Variants in CCAR1 observed in about 807,000 individuals in gnomAD.
CCAR1 encodes the protein cell division cycle and apoptosis regulator 1, also known as cell division cycle and apoptosis regulator protein 1.
Under a neutral mutation model 163.8 loss-of-function variants are expected in CCAR1, and 78 were observed. The ratio of observed to expected loss-of-function variants is 0.48; its 90% CI spans 0.40 to 0.57. CCAR1 has a LOEUF of 0.57. Ranked by LOEUF, CCAR1 falls within the 20% of genes least tolerant of loss-of-function variation. CCAR1 has a pLI of 0.00. For synonymous variants in CCAR1, 443 were observed against 460.7 expected, an observed-to-expected ratio of 0.96 and a Z score of 0.49; for missense variants, 1,019 against 1,365.2, an observed-to-expected ratio of 0.75 and a Z score of 4.00.
At chr10:68,743,107 A>G (rs2056204232) in intron 6 of CCAR1, among the ~76,000 whole-genome samples, 1 of 151,466 alleles carries the variant, frequency 6.6e-6, no homozygotes, top group Non-Finnish European at 1.5e-5. Context: ...TCATTTTTGT[A>G]TTTTTAGTAT....
At chr10:68,732,806 G>A (rs2056059124) in intron 2 of CCAR1, among the ~76,000 whole-genome samples, 1 of 152,094 alleles carries the variant, frequency 6.6e-6, no homozygotes, top group African/African-American at 2.4e-5. Flanking sequence ...TGCGACTGTA[G>A]TCCCAGTTGC....
rs1281664846 is a variant in CCAR1, at chr10:68,792,117, CAGAA to C, written c.*860_*863del. On this transcript the variant is annotated 3_prime_UTR_variant, in exon 25 of 25. Transcript: ENST00000265872. ...TCAGTTTATTTGAAAGACAGTATAT[CAGAA>C]AGAAAGAAGCAATAGAGAACTAGTA... The C allele has an allele frequency of 2.0e-5, 3 of 151,392 alleles. No individual in the cohort carries two copies. The highest frequency in any genetic ancestry group is 6.6e-5 in the Admixed American group (1 of 15,126). 9.4% of individuals were successfully genotyped at this position (151,392 alleles called of 1,614,324 possible). A position where few individuals can be genotyped will look rare whatever the true frequency, so the allele number is the denominator to read the frequency against.
At chr10:68,753,302 A>G (rs1361937358) in intron 10 of CCAR1, among the ~76,000 whole-genome samples, 1 of 152,194 alleles carries the variant, frequency 6.6e-6, no homozygotes, top group African/African-American at 2.4e-5. Context: ...TTCACAGAGA[A>G]AGGGTTGTGG....
Position 68,756,334 on chromosome 10 carries a change from C to T in CCAR1, c.1687C>T (p.Pro563Ser). ...PEETHKGRTV[P>S]AHVETVVLFF... is the part of the protein sequence containing the mutation. ...GGAGACCCACAAGGGGCGTACAGTT[C>T]CAGCTCATGTGGAGACAGTGGTTTT... Residue 563 changes from proline (P) to serine (S), a missense_variant, in exon 14 of 25, where the codon CCA becomes TCA. Pro to Ser is a moderately conservative substitution (Grantham distance 74). Around this residue, in one of 4 missense-constraint regions of CCAR1, gnomAD observed 644 missense variants for 904.4 expected, o/e 0.71. Transcript: ENST00000265872. This position sits in a 1 kb window ranked among gnomAD's most constrained non-coding sequence, Gnocchi z 5.1. 6.2e-7 allele frequency: 1 copy of T among 1,614,068 alleles called. No individual in the cohort carries two copies. Among genetic ancestry groups the T allele is most frequent in the Non-Finnish European group, 8.5e-7 (1 of 1,179,996 alleles).
At chr10:68,742,319 C>A in intron 5 of CCAR1, 57 bp from the exon 6 acceptor site, 1 of 1,384,350 alleles carries the variant, frequency 7.2e-7, no homozygotes, top group Non-Finnish European at 9.9e-7. Context: ...TAGTCATATT[C>A]AGTTTTTAGA....
At chr10:68,790,978 A>C (rs1339749448) in intron 24 of CCAR1, among the ~76,000 whole-genome samples, 1 of 148,900 alleles carries the variant, frequency 6.7e-6, no homozygotes, top group East Asian at 2.2e-4. Flanking sequence ...GATTACAGTC[A>C]TGAGCCACCA....
chr10:68,768,133 A>G lies in CCAR1; in HGVS notation c.2298+2054A>G, dbSNP rs556393763. Among the ~76,000 whole-genome samples, 3 of 152,352 alleles carry G rather than the reference A, an allele frequency of 2.0e-5. No individual in the cohort carries two copies. The South Asian group carries it at 6.2e-4, about 32-fold the overall frequency. On this transcript the variant is annotated intron_variant, in intron 17 of 24. Transcript: ENST00000265872. Reference sequence around the variant, plus strand: ...GGTAAGATGAAAATCAAGGATGACTAGAGACCTTTGAGGATTACTGAGGCA... The same window carrying G: ...GGTAAGATGAAAATCAAGGATGACTGGAGACCTTTGAGGATTACTGAGGCA...
Position 68,742,510 on chromosome 10 carries a change from G to A in CCAR1, c.459G>A (p.Val153=). The change falls in exon 6 of 25, where the codon GTG becomes GTA. Residue 153 remains valine (V), a synonymous_variant. Coordinates refer to ENST00000265872, the MANE Select transcript of CCAR1 (RefSeq NM_018237.4). Reference sequence around the variant, plus strand: ...AGAAGCAGCGTGTTTTCACAGGGGTGGTTACAAAACTACATGATACGTTTG... The same window carrying A: ...AGAAGCAGCGTGTTTTCACAGGGGTAGTTACAAAACTACATGATACGTTTG... The part of the protein sequence containing the change: ...QPQKQRVFTG[V]VTKLHDTFGF... 6.2e-7 allele frequency: 1 copy of A among 1,614,082 alleles called. No individual in the cohort carries two copies.
At chr10:68,734,241 A>G (rs1188735890) in intron 2 of CCAR1, among the ~76,000 whole-genome samples, 2 of 152,288 alleles carry the variant, frequency 1.3e-5, no homozygotes, top group East Asian at 3.9e-4. Flanking sequence ...TAGAGTTAAT[A>G]ACTAATAGTT....
chr10:68,780,158 C>T (rs1420856924), intron 19 of CCAR1, among the ~76,000 whole-genome samples: 1 of 152,168 alleles, frequency 6.6e-6, no homozygotes, highest in Non-Finnish European at 1.5e-5. Context: ...ATTTTTCAAT[C>T]ATCAAAAATA....
chr10:68,728,125 C>CT (rs2055975169), intron 2 of CCAR1, among the ~76,000 whole-genome samples: 1 of 152,206 alleles, frequency 6.6e-6, no homozygotes, highest in Admixed American at 6.5e-5. Context: ...GTGTGAGCCA[C>CT]TGTGCCCGGC....
chr10:68,777,878 G>A (rs1471633691), intron 19 of CCAR1, among the ~76,000 whole-genome samples: 1 of 152,150 alleles, frequency 6.6e-6, no homozygotes, highest in African/African-American at 2.4e-5. Context: ...GTTGCAGTGA[G>A]CGATGATCAC....
chr10:68,774,169 G>A (rs1398368638), intron 19 of CCAR1, among the ~76,000 whole-genome samples: 2 of 151,778 alleles, frequency 1.3e-5, no homozygotes, highest in African/African-American at 4.8e-5. Context: ...TGGGATTACA[G>A]GCCTGAGCCA....
At position 68,773,095 on chromosome 10, in the gene CCAR1, A is replaced by G; in HGVS notation, c.2646A>G (p.Glu882=). The G allele has an allele frequency of 6.8e-7, 1 of 1,469,742 alleles. No homozygotes were observed. Among genetic ancestry groups the G allele is most frequent in the Non-Finnish European group, 9.3e-7 (1 of 1,071,224 alleles). 91.0% of individuals were successfully genotyped at this position (1,469,742 alleles called of 1,614,324 possible). A position where few individuals can be genotyped will look rare whatever the true frequency, so the allele number is the denominator to read the frequency against. Residue 882 remains glutamate, a synonymous_variant, in exon 19 of 25, where the codon GAA becomes GAG. Coordinates refer to ENST00000265872, the MANE Select transcript of CCAR1 (RefSeq NM_018237.4). ...AAGCAGAAGAAGCTGAGGATGAAGA[A>G]GATGGTATGATTGAAATTTATTTAT... ...PMEAEEAEDE[E]DDRDEEEMTK...
At chr10:68,759,705 G>A (rs990699965) in intron 15 of CCAR1, among the ~76,000 whole-genome samples, 2 of 151,858 alleles carry the variant, frequency 1.3e-5, no homozygotes, top group Non-Finnish European at 2.9e-5. Context: ...CCATGGTTGT[G>A]CCACTCCAGC....
At chr10:68,749,064 C>T in intron 8 of CCAR1, 72 bp from the exon 9 acceptor site, 2 of 1,566,744 alleles carry the variant, frequency 1.3e-6, no homozygotes, top group Admixed American at 1.8e-5. Context: ...CTTTGTTCCT[C>T]TAATTTTATC....
In CCAR1 at chr10:68,728,376, TTTTG is replaced by T. The variant is rs767455744; in HGVS notation, c.73+5811_73+5814del. 3.9e-5 allele frequency among the ~76,000 whole-genome samples: 6 copies of T among 152,112 alleles called. No homozygotes were observed. The Middle Eastern group carries it at 0.01, about 260-fold the overall frequency. On this transcript the variant is annotated intron_variant, in intron 2 of 24. Coordinates refer to ENST00000265872, the MANE Select transcript of CCAR1 (RefSeq NM_018237.4). The stretch of plus-strand genomic sequence containing the variant: ...TCCTGGAGGTTTTTTTTTCCGTTGT[TTTTG>T]TTTGTTTGTTTTTTGAGACAGGGTC...
At chr10:68,765,790 T>G in intron 16 of CCAR1, 98 bp from the exon 17 acceptor site, 2 of 820,486 alleles carry the variant, frequency 2.4e-6, no homozygotes, top group African/African-American at 3.5e-5. Context: ...TTTTGTTCCT[T>G]TTATTTATGA....
At chr10:68,740,025 CTG>C (rs2056163055) in intron 4 of CCAR1, among the ~76,000 whole-genome samples, 1 of 152,172 alleles carries the variant, frequency 6.6e-6, no homozygotes, top group South Asian at 2.1e-4. Context: ...TTCATGGTCT[CTG>C]TGCCTATGGT....
Sources: gnomAD v4.1 joint callset for allele counts (sites outside exome capture counted in the v4.1 genomes callset) on GRCh38, gnomAD v4.1.1 for gene constraint, gnomAD v4.1.1 regional missense constraint, Gnocchi (gnomAD v3.1) non-coding constraint, MANE v1.5 for transcripts, NCBI Gene and HGNC (gene_info 2026-07-23, HGNC 2026-07-21) for gene names.